Variants in BFSP2 observed in about 807,000 individuals in gnomAD.
BFSP2 encodes beaded filament structural protein 2, also known as phakinin.
Under a neutral mutation model 44.9 loss-of-function variants are expected in BFSP2, and 38 were observed. The observed-to-expected ratio is 0.85, with a 90% CI of 0.65 to 1.11. The LOEUF is 1.11. Among genes scored for constraint, BFSP2 ranks in the 50% least tolerant of loss-of-function variants. The pLI, the probability that BFSP2 is intolerant of heterozygous loss-of-function variation, is 0.00. For synonymous variants in BFSP2, 197 were observed against 209.9 expected (o/e 0.94, Z 0.53); for missense variants, 525 against 533.0 (o/e 0.99, Z 0.15).
chr3:133,412,668 C>G (rs1309187315), intron 1 of BFSP2: 1 of 152,366 alleles, frequency 6.6e-6, no homozygotes, highest in African/African-American at 2.4e-5. Flanking sequence ...AGCGCCAGCT[C>G]TGCCGGGGCC....
chr3:133,427,193 C>G (rs1182526398), intron 1 of BFSP2, among the ~76,000 whole-genome samples: 1 of 152,222 alleles, frequency 6.6e-6, no homozygotes, highest in Non-Finnish European at 1.5e-5. Context: ...TGGTGCCCTT[C>G]TAAAGAATTT....
intron 1 of BFSP2, among the ~76,000 whole-genome samples, chr3:133,406,338 C>T (rs1205333461): frequency 2.0e-5 from 3 of 152,192 alleles, no homozygotes; most frequent in Non-Finnish European, 2.9e-5. Flanking sequence ...CTAAAGAAAA[C>T]AGAGGGAGAC....
At chr3:133,467,618 A>C (rs868166246) in intron 5 of BFSP2, among the ~76,000 whole-genome samples, 1 of 152,022 alleles carries the variant, frequency 6.6e-6, no homozygotes, top group Non-Finnish European at 1.5e-5. Flanking sequence ...TTCATTATTA[A>C]TTATTTATTA....
At chr3:133,412,312 G>A (rs1349132891) in intron 1 of BFSP2, 1 of 152,208 alleles carries the variant, frequency 6.6e-6, no homozygotes, top group African/African-American at 2.4e-5. Flanking sequence ...TCATCGGGTT[G>A]GTGCAGGAAT....
chr3:133,429,629 C>G (rs994907847), intron 1 of BFSP2: 1 of 152,090 alleles, frequency 6.6e-6, no homozygotes, highest in African/African-American at 2.4e-5. Flanking sequence ...AACTTACTTT[C>G]TTCACTTATT....
chr3:133,428,287 G>A (rs1034987958), intron 1 of BFSP2, among the ~76,000 whole-genome samples: 5 of 151,862 alleles, frequency 3.3e-5, no homozygotes, highest in East Asian at 3.9e-4. Context: ...GACACAGAGG[G>A]AAGACCAAGC....
chr3:133,450,431 C>T lies in BFSP2; in HGVS notation c.858C>T (p.Asn286=), dbSNP rs1338538113. 2 of 1,613,964 alleles carry T rather than the reference C, an allele frequency of 1.2e-6. No homozygotes were observed. Among genetic ancestry groups the T allele is most frequent in the African/African-American group, 2.7e-5 (2 of 74,890 alleles). The change falls in exon 4 of 7, where the codon AAC becomes AAT. Residue 286 remains asparagine, a synonymous_variant. Transcript: ENST00000302334. ...RIQWERDVEK[N]RVEAGALLQA... ...AGTGGGAGAGAGATGTTGAAAAGAACCGGGTGGAGGCAGGAGCCCTGCTCC... is the reference window on the plus strand; with the variant it reads ...AGTGGGAGAGAGATGTTGAAAAGAATCGGGTGGAGGCAGGAGCCCTGCTCC...
intron 1 of BFSP2, among the ~76,000 whole-genome samples, chr3:133,442,554 G>A (rs897543233): frequency 4.6e-5 from 7 of 152,224 alleles, no homozygotes; most frequent in Admixed American, 3.3e-4. Flanking sequence ...TGCATTGGAG[G>A]AGGGAGGTAC....
At chr3:133,438,954 G>A (rs1414913258) in intron 1 of BFSP2, among the ~76,000 whole-genome samples, 1 of 152,210 alleles carries the variant, frequency 6.6e-6, no homozygotes, top group Admixed American at 6.5e-5. Flanking sequence ...AACAAGCACA[G>A]TCTGTGAGGT....
chr3:133,471,897 G>A (rs2074165039), intron 5 of BFSP2, among the ~76,000 whole-genome samples: 1 of 152,196 alleles, frequency 6.6e-6, no homozygotes, highest in South Asian at 2.1e-4. Flanking sequence ...GATGGATGGG[G>A]TTTCAGCAGC....
intron 5 of BFSP2, among the ~76,000 whole-genome samples, chr3:133,470,046 C>A (rs2067006523): frequency 6.6e-6 from 1 of 152,114 alleles, no homozygotes; most frequent in African/African-American, 2.4e-5. Flanking sequence ...GAGAGAAAAC[C>A]CAGGGAGGTT....
intron 1 of BFSP2, 60 bp from the exon 2 acceptor site, chr3:133,447,257 G>C: frequency 6.4e-7 from 1 of 1,569,310 alleles, no homozygotes; most frequent in Non-Finnish European, 8.8e-7. Flanking sequence ...AAGTCATGGT[G>C]GTAAGTGATC....
chr3:133,446,621 T>A lies in BFSP2; in HGVS notation c.490-696T>A, dbSNP rs1386470725. 2.7e-4 allele frequency among the ~76,000 whole-genome samples: 15 copies of A among 55,328 alleles called. 2 individuals carry two copies. The highest frequency in any genetic ancestry group is 3.5e-4 in the Non-Finnish European group (11 of 31,246). 36.3% of individuals were successfully genotyped at this position (55,328 alleles called of 152,430 possible). A position where few individuals can be genotyped will look rare whatever the true frequency, so the allele number is the denominator to read the frequency against. ...ATATATATATATATATATATATATA[T>A]ATATATATATATATATATAAAGGAG... On this transcript the variant is annotated intron_variant, in intron 1 of 6. Transcript: ENST00000302334.
chr3:133,407,554 T>C (rs969894666), intron 1 of BFSP2, among the ~76,000 whole-genome samples: 1 of 151,930 alleles, frequency 6.6e-6, no homozygotes, highest in Non-Finnish European at 1.5e-5. Context: ...AAGACAAGAA[T>C]GGCCAGGAAA....
At chr3:133,425,437 C>T (rs2073634469) in intron 1 of BFSP2, among the ~76,000 whole-genome samples, 2 of 152,288 alleles carry the variant, frequency 1.3e-5, no homozygotes, top group South Asian at 2.1e-4. Flanking sequence ...TCCCAAGATC[C>T]CTTTCAACTT....
chr3:133,421,487 CTG>C (rs1675002097), intron 1 of BFSP2, among the ~76,000 whole-genome samples: 1 of 152,198 alleles, frequency 6.6e-6, no homozygotes, highest in Admixed American at 6.5e-5. Flanking sequence ...TTCCATATGT[CTG>C]TGTCCAAATT....
intron 1 of BFSP2, among the ~76,000 whole-genome samples, chr3:133,447,043 G>C (rs1049533394): frequency 1.3e-5 from 2 of 152,096 alleles, no homozygotes; most frequent in African/African-American, 4.8e-5. Flanking sequence ...CTGTGACAGA[G>C]GCTATGAACA....
intron 1 of BFSP2, among the ~76,000 whole-genome samples, chr3:133,421,759 C>T (rs945430118): frequency 1.3e-5 from 2 of 152,152 alleles, no homozygotes. Context: ...GCAGAAATAT[C>T]AGTATTTCTG....
intron 3 of BFSP2, among the ~76,000 whole-genome samples, chr3:133,449,811 C>T (rs1181313961): frequency 6.6e-6 from 1 of 151,590 alleles, no homozygotes; most frequent in Non-Finnish European, 1.5e-5. Context: ...ACTGTTTGAG[C>T]CCAAGAGATG....
Sources: gnomAD v4.1 joint callset for allele counts (sites outside exome capture counted in the v4.1 genomes callset) on GRCh38, gnomAD v4.1.1 for gene constraint, MANE v1.5 for transcripts, NCBI Gene and HGNC (gene_info 2026-07-23, HGNC 2026-07-21) for gene names.